Variants in PGBD5 observed in about 807,000 individuals in gnomAD.
PGBD5 encodes the protein piggyBac transposable element derived 5, also known as piggyBac transposable element-derived protein 5.
Under a neutral mutation model 47.9 loss-of-function variants are expected in PGBD5, and 14 were observed. That is an observed-to-expected ratio of 0.29 (90% CI 0.19 to 0.46). The LOEUF is 0.46. PGBD5 is among the 20% of genes least tolerant of loss of function. PGBD5 has a pLI of 1.00. For missense variants in PGBD5, 635 were observed against 716.0 expected (o/e 0.89, Z 1.29); for synonymous variants, 316 against 306.3 (o/e 1.03, Z -0.33).
At position 230,362,400 on chromosome 1, in the gene PGBD5, G is replaced by A. The variant is rs374346703; in HGVS notation, c.332-5079C>T. 8.9e-5 allele frequency: 120 copies of A among 1,353,764 alleles called. No homozygotes were observed. In the African/African-American group the frequency reaches 1.7e-3, roughly 20 times the overall value. 83.9% of individuals were successfully genotyped at this position (1,353,764 alleles called of 1,614,324 possible). On this transcript the variant is annotated intron_variant, in intron 1 of 6. Coordinates refer to ENST00000391860, the MANE Select transcript of PGBD5 (RefSeq NM_001258311.2). The stretch of plus-strand genomic sequence containing the variant: ...GGCCTGGATGACAGACAGTTGTGGA[G>A]GCTTGCCGGGGAAGCCTGTGTCAGA...
chr1:230,342,895 C>T (rs979544382), intron 3 of PGBD5, among the ~76,000 whole-genome samples: 2 of 152,148 alleles, frequency 1.3e-5, no homozygotes, highest in Non-Finnish European at 2.9e-5. Flanking sequence ...AAAATTCAGG[C>T]CCGCAGCCAC....
intron 1 of PGBD5, among the ~76,000 whole-genome samples, chr1:230,358,345 C>T (rs1486304798): frequency 1.3e-5 from 2 of 152,132 alleles, no homozygotes; most frequent in Non-Finnish European, 2.9e-5. Flanking sequence ...GGCATGGCTA[C>T]GGCTTTCTGG....
intron 4 of PGBD5, among the ~76,000 whole-genome samples, chr1:230,335,802 C>CACACACACAGACACACACACAG: frequency 5.8e-5 from 1 of 17,106 alleles, no homozygotes; most frequent in Non-Finnish European, 1.9e-4. Flanking sequence ...GGCACAAAGA[C>CACACACACAGACACACACACAG]ACACAGACAC....
At chr1:230,367,372 C>T (rs1872856) in intron 1 of PGBD5, among the ~76,000 whole-genome samples, 108,341 of 152,054 alleles carry the variant, frequency 0.71, 39,025 homozygotes, top group Non-Finnish European at 0.74. Flanking sequence ...AGAAAGGGAC[C>T]ACGTCACCAG....
intron 1 of PGBD5, among the ~76,000 whole-genome samples, chr1:230,380,979 T>C (rs997854870): frequency 6.6e-6 from 1 of 152,234 alleles, no homozygotes; most frequent in African/African-American, 2.4e-5. Flanking sequence ...CAGGAGTGGG[T>C]GGCCGTCTGC....
intron 3 of PGBD5, among the ~76,000 whole-genome samples, chr1:230,345,665 C>T (rs1461551371): frequency 6.6e-6 from 1 of 152,210 alleles, no homozygotes; most frequent in Non-Finnish European, 1.5e-5. Context: ...AAATGTTGAC[C>T]TTTTCCTTGG....
chr1:230,395,422 CCCT>C (rs1656917006), intron 1 of PGBD5, among the ~76,000 whole-genome samples: 1 of 29,580 alleles, frequency 3.4e-5, no homozygotes. Flanking sequence ...CACCCTCCTC[CCCT>C]CCTCTCCTCC....
intron 5 of PGBD5, among the ~76,000 whole-genome samples, chr1:230,326,142 G>A (rs953891442): frequency 2.0e-5 from 3 of 152,262 alleles, no homozygotes; most frequent in African/African-American, 7.2e-5. Context: ...AGGAGGCTGC[G>A]CACGGTGGCT....
intron 1 of PGBD5, among the ~76,000 whole-genome samples, chr1:230,372,948 C>T (rs1018922461): frequency 6.6e-6 from 1 of 152,158 alleles, no homozygotes; most frequent in African/African-American, 2.4e-5. Context: ...TCTAACTCTG[C>T]AGCTCTGCCA....
chr1:230,353,281 G>C (rs924618019), intron 2 of PGBD5, among the ~76,000 whole-genome samples: 13 of 152,116 alleles, frequency 8.5e-5, no homozygotes, highest in African/African-American at 3.1e-4. Context: ...CTCGTTTTGA[G>C]GTGTGGAGGG....
At chr1:230,377,587 T>C in intron 1 of PGBD5, 2 of 1,591,618 alleles carry the variant, frequency 1.3e-6, no homozygotes. Context: ...GAGAGTACTT[T>C]GCACGAAGAG....
At chr1:230,396,745 T>C (rs750025738) in intron 1 of PGBD5, among the ~76,000 whole-genome samples, 2 of 151,720 alleles carry the variant, frequency 1.3e-5, no homozygotes, top group Non-Finnish European at 2.9e-5. Context: ...TGTACTGACA[T>C]GAGATCCCGG....
intron 1 of PGBD5, among the ~76,000 whole-genome samples, chr1:230,377,804 C>T (rs929487625): frequency 2.0e-5 from 3 of 152,346 alleles, no homozygotes; most frequent in Admixed American, 6.5e-5. Flanking sequence ...TAAGCACTGG[C>T]CATCATTATG....
chr1:230,323,030 C>T lies in PGBD5; in HGVS notation c.*395G>A. ...TCAAGTCTTGAACTTGAACCACGTC[C>T]CAGATTGCTGTAGATCTTTAGGAAG... is the stretch of plus-strand genomic sequence containing the variant. On this transcript the variant is annotated 3_prime_UTR_variant, in exon 7 of 7. Coordinates refer to ENST00000391860, the MANE Select transcript of PGBD5 (RefSeq NM_001258311.2). This position sits in a 1 kb window ranked among gnomAD's most constrained non-coding sequence, Gnocchi z 4.1. 1 of 175,118 alleles carries T rather than the reference C, an allele frequency of 5.7e-6. No individual in the cohort carries two copies. Among genetic ancestry groups the T allele is most frequent in the Non-Finnish European group, 1.2e-5 (1 of 82,278 alleles). 10.8% of individuals were successfully genotyped at this position (175,118 alleles called of 1,614,324 possible).
At chr1:230,387,091 G>A (rs1480277432) in intron 1 of PGBD5, among the ~76,000 whole-genome samples, 1 of 152,184 alleles carries the variant, frequency 6.6e-6, no homozygotes. Context: ...GATTGTTTTA[G>A]AGCCTGGAGC....
intron 1 of PGBD5, among the ~76,000 whole-genome samples, chr1:230,376,615 T>C (rs1668018776): frequency 6.6e-6 from 1 of 152,156 alleles, no homozygotes; most frequent in Non-Finnish European, 1.5e-5. Flanking sequence ...TGTCACTGAA[T>C]GGTCCGCTCC....
intron 1 of PGBD5, among the ~76,000 whole-genome samples, chr1:230,375,709 G>T (rs1002077849): frequency 1.4e-5 from 2 of 144,560 alleles, no homozygotes; most frequent in African/African-American, 5.3e-5. Flanking sequence ...AAGGAAAGAG[G>T]AAAATATCCA....
intron 1 of PGBD5, among the ~76,000 whole-genome samples, chr1:230,393,126 A>C (rs961286264): frequency 7.4e-6 from 1 of 135,234 alleles, no homozygotes; most frequent in African/African-American, 2.7e-5. Flanking sequence ...AGGGGAAAAA[A>C]GAAGGGTAGG....
intron 1 of PGBD5, among the ~76,000 whole-genome samples, chr1:230,373,381 G>T (rs1048097007): frequency 2.6e-5 from 4 of 152,210 alleles, no homozygotes; most frequent in Admixed American, 2.0e-4. Context: ...GCATGCTGTT[G>T]ATGAGGGTTC....
Sources: gnomAD v4.1 joint callset for allele counts (sites outside exome capture counted in the v4.1 genomes callset) on GRCh38, gnomAD v4.1.1 for gene constraint, Gnocchi (gnomAD v3.1) non-coding constraint, MANE v1.5 for transcripts, NCBI Gene and HGNC (gene_info 2026-07-23, HGNC 2026-07-21) for gene names.